DHRS7B: variants seen among roughly 807,000 people sequenced by gnomAD.
DHRS7B encodes the protein dehydrogenase/reductase 7B, also known as peroxisomal reductase activating PPAR-gamma.
In DHRS7B, 24 loss-of-function variants were observed where a neutral mutation model predicts 26.4. The observed-to-expected ratio is 0.91, with a 90% CI of 0.66 to 1.28. The LOEUF (loss-of-function observed/expected upper bound fraction) is 1.28, where lower values mean the gene tolerates loss of function less well. Ranked by LOEUF, DHRS7B falls within the 50% of genes most tolerant of loss-of-function variation. The pLI is 0.00. For synonymous variants in DHRS7B, 142 were observed against 166.4 expected (o/e 0.85, Z 1.13); for missense variants, 368 against 419.4 (o/e 0.88, Z 1.07).
At chr17:21,138,149 TA>T (rs1973405119) in intron 1 of DHRS7B, among the ~76,000 whole-genome samples, 1 of 142,834 alleles carries the variant, frequency 7.0e-6, no homozygotes, top group South Asian at 2.2e-4. Flanking sequence ...TATTGCGACT[TA>T]TACTGACCAT....
At chr17:21,142,853 C>T (rs1973554628) in intron 1 of DHRS7B, among the ~76,000 whole-genome samples, 1 of 152,192 alleles carries the variant, frequency 6.6e-6, no homozygotes, top group African/African-American at 2.4e-5. Context: ...GTAGATTTGT[C>T]TTGAGCAGTT....
chr17:21,161,789 AT>A (rs1243873607), intron 1 of DHRS7B, among the ~76,000 whole-genome samples: 1 of 152,162 alleles, frequency 6.6e-6, no homozygotes, highest in Non-Finnish European at 1.5e-5. Context: ...CTGCTAGGCT[AT>A]TTTTAAATGA....
intron 1 of DHRS7B, among the ~76,000 whole-genome samples, chr17:21,141,619 CAAAAAA>C (rs71357469): frequency 7.0e-5 from 1 of 14,382 alleles, no homozygotes; most frequent in Non-Finnish European, 1.3e-4. Flanking sequence ...AGCAAGAAAG[CAAAAAA>C]AAAAAAAAAA....
chr17:21,155,228 A>T (rs188949078), intron 1 of DHRS7B, among the ~76,000 whole-genome samples: 13 of 152,336 alleles, frequency 8.5e-5, no homozygotes, highest in Admixed American at 3.3e-4. Context: ...TAAGACCCAA[A>T]TATATGTTGT....
At chr17:21,146,129 C>A (rs1338422424) in intron 1 of DHRS7B, among the ~76,000 whole-genome samples, 1 of 152,176 alleles carries the variant, frequency 6.6e-6, no homozygotes, top group Non-Finnish European at 1.5e-5. Flanking sequence ...TAAGCCTGGG[C>A]ACTGTAGCAT....
rs1469201769 is a variant in DHRS7B, at chr17:21,135,829, C to A, written c.20+8838C>A. Among the ~76,000 whole-genome samples the A allele has an allele frequency of 5.0e-4, 76 of 152,176 alleles. 2 individuals carry two copies. Among genetic ancestry groups the A allele is most frequent in the Admixed American group, 5.0e-3 (76 of 15,278 alleles). ...TATAGAGAAACTGAACTTATTTTAT[C>A]TTTCAAAATTGGCCGTTACAATCTT... On this transcript the variant is annotated intron_variant, in intron 1 of 6. Transcript: ENST00000395511.
chr17:21,178,698 A>C (rs1310643718), intron 3 of DHRS7B, among the ~76,000 whole-genome samples: 1 of 144,814 alleles, frequency 6.9e-6, no homozygotes, highest in East Asian at 2.0e-4. Flanking sequence ...TCGCTCTGTC[A>C]CCCAGGCTGG....
intron 3 of DHRS7B, among the ~76,000 whole-genome samples, chr17:21,179,955 G>A (rs1001143255): frequency 6.6e-6 from 1 of 150,516 alleles, no homozygotes; most frequent in African/African-American, 2.5e-5. Context: ...TAGTAGAGAC[G>A]GGGCTTCTCC....
chr17:21,147,474 G>A (rs1042300083), intron 1 of DHRS7B, among the ~76,000 whole-genome samples: 4 of 152,176 alleles, frequency 2.6e-5, no homozygotes, highest in African/African-American at 7.2e-5. Context: ...AGATTATCAC[G>A]AGAATTGTCC....
At chr17:21,173,678 C>A (rs1974310739) in intron 2 of DHRS7B, among the ~76,000 whole-genome samples, 1 of 152,200 alleles carries the variant, frequency 6.6e-6, no homozygotes. Flanking sequence ...GGGGTGAACA[C>A]CATATCTGTC....
intron 1 of DHRS7B, among the ~76,000 whole-genome samples, chr17:21,152,583 C>G (rs1339806268): frequency 2.0e-5 from 3 of 152,182 alleles, no homozygotes; most frequent in African/African-American, 7.2e-5. Context: ...CAGCCCCTCA[C>G]AATGAATATT....
Position 21,188,791 on chromosome 17 carries a change from GTCA to G in DHRS7B, c.704_706del (p.Ile235del). 6.2e-7 allele frequency: 1 copy of G among 1,614,030 alleles called. No individual in the cohort carries two copies. The highest frequency in any genetic ancestry group is 8.5e-7 in the Non-Finnish European group (1 of 1,180,002). ...GGAACAGTATGAAATTGAGGTGACCGTCATCAGCCCCGGCTACATCCACACCAA... is the reference window on the plus strand; with the variant it reads ...GGAACAGTATGAAATTGAGGTGACCGTCAGCCCCGGCTACATCCACACCAA... On this transcript the variant is annotated inframe_deletion, in exon 6 of 7. Coordinates refer to ENST00000395511, the MANE Select transcript of DHRS7B (RefSeq NM_015510.5).
chr17:21,150,462 C>T (rs1306014681), intron 1 of DHRS7B, among the ~76,000 whole-genome samples: 2 of 151,984 alleles, frequency 1.3e-5, no homozygotes, highest in Non-Finnish European at 2.9e-5. Context: ...ACTACAAATA[C>T]AAATATTATC....
rs72840187 is a variant in DHRS7B at position 21,144,000 on chromosome 17, C to T, written c.20+17009C>T. Among the ~76,000 whole-genome samples, 1,175 of 152,306 alleles carry T rather than the reference C, an allele frequency of 7.7e-3. 13 individuals are homozygous for T. The highest frequency in any genetic ancestry group is 0.013 in the Non-Finnish European group (866 of 68,024). ...TCTTAGGCCACCAGAGAGAGACCACCTGTGGACAGGTCAAGTGCAACCAAG... is the reference window on the plus strand; with the variant it reads ...TCTTAGGCCACCAGAGAGAGACCACTTGTGGACAGGTCAAGTGCAACCAAG... On this transcript the variant is annotated intron_variant, in intron 1 of 6. Coordinates refer to ENST00000395511, the MANE Select transcript of DHRS7B (RefSeq NM_015510.5).
intron 1 of DHRS7B, among the ~76,000 whole-genome samples, chr17:21,157,803 G>A (rs1009715354): frequency 6.6e-6 from 1 of 152,054 alleles, no homozygotes. Context: ...AAATGACCCA[G>A]GTGTGGTGGC....
chr17:21,141,640 A>AAAAACAAG, intron 1 of DHRS7B, among the ~76,000 whole-genome samples: 1 of 90,078 alleles, frequency 1.1e-5, no homozygotes, highest in Non-Finnish European at 2.1e-5. Context: ...AAAAAAAAAA[A>AAAAACAAG]CAACCTCATC....
intron 1 of DHRS7B, among the ~76,000 whole-genome samples, chr17:21,141,212 G>A (rs960346935): frequency 1.3e-5 from 2 of 152,066 alleles, no homozygotes; most frequent in Non-Finnish European, 2.9e-5. Flanking sequence ...GGAGGCCACC[G>A]GTCACCCAGG....
chr17:21,147,285 A>G (rs1488653980), intron 1 of DHRS7B, among the ~76,000 whole-genome samples: 4 of 152,160 alleles, frequency 2.6e-5, no homozygotes, highest in Admixed American at 1.3e-4. Context: ...GCCTTGGGCT[A>G]TGGCAGAACT....
At chr17:21,171,418 G>A (rs1974244245) in intron 1 of DHRS7B, among the ~76,000 whole-genome samples, 1 of 152,218 alleles carries the variant, frequency 6.6e-6, no homozygotes, top group South Asian at 2.1e-4. Context: ...GCCCATGCTG[G>A]TGCTTGGGGC....
Sources: allele counts gnomAD v4.1 joint callset (sites outside exome capture counted in the v4.1 genomes callset), GRCh38; gene constraint gnomAD v4.1.1; transcripts MANE v1.5; gene names NCBI Gene and HGNC (gene_info 2026-07-23, HGNC 2026-07-21).